Variants in AGBL4 observed in about 807,000 individuals in gnomAD.
The protein encoded by AGBL4 is cytosolic carboxypeptidase 6.
Under a neutral mutation model 66.4 loss-of-function variants are expected in AGBL4, and 58 were observed. That is an observed-to-expected ratio of 0.87 (90% CI 0.71 to 1.09). The LOEUF is 1.09. Ranked by LOEUF, AGBL4 falls within the 50% of genes least tolerant of loss-of-function variation. The probability of loss-of-function intolerance (pLI) is 0.00; values close to 1 mark genes in which losing one functional copy is unlikely to be tolerated. For missense variants in AGBL4, 579 were observed against 631.0 expected (o/e 0.92, Z 0.88); for synonymous variants, 234 against 222.9 (o/e 1.05, Z -0.44).
At chr1:49,849,090 C>A (rs1646235137) in intron 2 of AGBL4, among the ~76,000 whole-genome samples, 1 of 152,064 alleles carries the variant, frequency 6.6e-6, no homozygotes, top group African/African-American at 2.4e-5. Context: ...TAATAAATAA[C>A]CTAAGAGCTT....
intron 5 of AGBL4, among the ~76,000 whole-genome samples, chr1:49,017,744 A>G (rs570764487): frequency 3.7e-4 from 57 of 152,298 alleles, no homozygotes; most frequent in African/African-American, 1.4e-3. Context: ...TATTGAACGA[A>G]TGAATTAAAA....
intron 4 of AGBL4, among the ~76,000 whole-genome samples, chr1:49,120,915 T>A (rs1645639604): frequency 6.6e-6 from 1 of 151,420 alleles, no homozygotes; most frequent in Non-Finnish European, 1.5e-5. Context: ...TTTTTCCTCT[T>A]TTTCCTCTAA....
At chr1:48,695,046 G>A (rs1201958076) in intron 6 of AGBL4, among the ~76,000 whole-genome samples, 1 of 152,178 alleles carries the variant, frequency 6.6e-6, no homozygotes. Flanking sequence ...CACTATGGAA[G>A]ATTCAAGAGC....
chr1:49,903,896 TAA>T (rs1173734900), intron 1 of AGBL4, among the ~76,000 whole-genome samples: 2 of 152,074 alleles, frequency 1.3e-5, no homozygotes. Flanking sequence ...GGTAAAGAAA[TAA>T]GAGGGAAACA....
chr1:49,969,764 T>TA (rs1160652227), intron 1 of AGBL4, among the ~76,000 whole-genome samples: 1 of 152,224 alleles, frequency 6.6e-6, no homozygotes, highest in Non-Finnish European at 1.5e-5. Flanking sequence ...CATCCACTGA[T>TA]AGACTTTTAA....
intron 5 of AGBL4, among the ~76,000 whole-genome samples, chr1:49,012,257 G>T (rs566465813): frequency 6.6e-6 from 1 of 152,174 alleles, no homozygotes; most frequent in African/African-American, 2.4e-5. Context: ...CTAACTATCT[G>T]CTCTCTTAAA....
At chr1:49,218,934 C>A (rs1264289163) in intron 4 of AGBL4, among the ~76,000 whole-genome samples, 1 of 152,128 alleles carries the variant, frequency 6.6e-6, no homozygotes, top group African/African-American at 2.4e-5. Flanking sequence ...GTAAGCTGTG[C>A]CTTTCACCTT....
intron 5 of AGBL4, among the ~76,000 whole-genome samples, chr1:49,026,521 G>C (rs1207501269): frequency 6.6e-6 from 1 of 152,100 alleles, no homozygotes; most frequent in Non-Finnish European, 1.5e-5. Context: ...TTAGAGAAAG[G>C]GCATTTGCAC....
chr1:49,993,376 G>A (rs1054202807), intron 1 of AGBL4, among the ~76,000 whole-genome samples: 5 of 152,278 alleles, frequency 3.3e-5, no homozygotes, highest in African/African-American at 9.6e-5. Flanking sequence ...CTGAATGTGA[G>A]TTTTTAATTT....
In AGBL4 at chr1:48,579,897, G is replaced by A. The variant is rs184217531; in HGVS notation, c.1267+7107C>T. ...CGTGCCACTGCACTCCAGCCTGGGC[G>A]AAAGTGAGACTCCGCCTCAAAAAAA... On this transcript the variant is annotated intron_variant, in intron 11 of 13. Transcript: ENST00000371839. Among the ~76,000 whole-genome samples, 451 of 122,724 alleles carry A rather than the reference G, an allele frequency of 3.7e-3. 5 individuals carry two copies. The highest frequency in any genetic ancestry group is 0.013 in the African/African-American group (419 of 31,140). The allele number at this position is 122,724 out of a possible 152,430, so 80.5% of individuals were successfully genotyped here.
chr1:49,850,085 C>T (rs1646268131), intron 2 of AGBL4, among the ~76,000 whole-genome samples: 1 of 152,200 alleles, frequency 6.6e-6, no homozygotes, highest in Non-Finnish European at 1.5e-5. Flanking sequence ...TGCGTAATGA[C>T]TGAATCATGT....
At position 50,023,900 on chromosome 1, in the gene AGBL4, C is replaced by T. The variant is rs1294049478; in HGVS notation, c.-104G>A. On this transcript the variant is annotated 5_prime_UTR_variant, in exon 1 of 14. Transcript: ENST00000371839. ...CAGGAGCTACCTCAGGAAGACGCGG[C>T]ACGACGGTTGCCTGGGCAACGGGCG... The T allele has an allele frequency of 1.5e-6, 2 of 1,331,818 alleles. No individual in the cohort carries two copies. Among genetic ancestry groups the T allele is most frequent in the Non-Finnish European group, 2.0e-6 (2 of 997,598 alleles). 82.5% of individuals were successfully genotyped at this position (1,331,818 alleles called of 1,614,324 possible). A position where few individuals can be genotyped will look rare whatever the true frequency, so the allele number is the denominator to read the frequency against.
At chr1:49,920,918 G>C (rs143412902) in intron 1 of AGBL4, among the ~76,000 whole-genome samples, 1 of 152,164 alleles carries the variant, frequency 6.6e-6, no homozygotes, top group Non-Finnish European at 1.5e-5. Flanking sequence ...CCATAAAAAA[G>C]GATGAGGTCA....
intron 2 of AGBL4, among the ~76,000 whole-genome samples, chr1:49,799,351 T>C (rs1481359422): frequency 3.3e-5 from 5 of 152,186 alleles, no homozygotes; most frequent in Non-Finnish European, 7.4e-5. Context: ...ATTTCAGAAT[T>C]GAAGTCCAAC....
chr1:48,711,851 C>T (rs1011060633), intron 6 of AGBL4, among the ~76,000 whole-genome samples: 4 of 152,156 alleles, frequency 2.6e-5, no homozygotes, highest in African/African-American at 9.7e-5. Context: ...TGCTTCCAGC[C>T]TGTCCTGTTC....
At chr1:49,716,948 A>C (rs772242371) in intron 2 of AGBL4, among the ~76,000 whole-genome samples, 31 of 152,266 alleles carry the variant, frequency 2.0e-4, no homozygotes, top group Non-Finnish European at 3.7e-4. Context: ...CAAGAGAAAG[A>C]AATAAAGGTA....
At chr1:48,629,472 C>T (rs960453463) in intron 9 of AGBL4, among the ~76,000 whole-genome samples, 1 of 152,120 alleles carries the variant, frequency 6.6e-6, no homozygotes, top group Non-Finnish European at 1.5e-5. Context: ...TGGCTCCCAC[C>T]AGTTCTAAAA....
intron 2 of AGBL4, among the ~76,000 whole-genome samples, chr1:49,754,360 A>C (rs1186338337): frequency 2.0e-5 from 3 of 151,070 alleles, no homozygotes; most frequent in African/African-American, 4.9e-5. Flanking sequence ...GGTTAGTTAC[A>C]TATGTATACA....
rs79087509 is a variant in AGBL4, at chr1:49,139,509, C to G, written c.378-93709G>C. Among the ~76,000 whole-genome samples the G allele has an allele frequency of 5.7e-3, 872 of 152,208 alleles. 10 individuals are homozygous for G. Among genetic ancestry groups the G allele is most frequent in the African/African-American group, 0.02 (834 of 41,536 alleles). On this transcript the variant is annotated intron_variant, in intron 4 of 13. Transcript: ENST00000371839. Reference sequence around the variant, plus strand: ...GGGAATTCAAACCCCAGGCTGCTCACCTTTAAGTCCAAGGATCATTTCCTT... The same window carrying G: ...GGGAATTCAAACCCCAGGCTGCTCAGCTTTAAGTCCAAGGATCATTTCCTT...
Sources: allele counts gnomAD v4.1 joint callset (sites outside exome capture counted in the v4.1 genomes callset), GRCh38; gene constraint gnomAD v4.1.1; transcripts MANE v1.5; gene names NCBI Gene and HGNC (gene_info 2026-07-23, HGNC 2026-07-21).